The following DYNLT2B variants were observed in gnomAD, a reference collection of about 807,000 sequenced individuals.
DYNLT2B encodes the protein dynein light chain Tctex-type protein 2B.
Under a neutral mutation model 19.5 loss-of-function variants are expected in DYNLT2B, and 14 were observed. That is an observed-to-expected ratio of 0.72 (90% CI 0.47 to 1.12). DYNLT2B has a LOEUF of 1.12. Among genes scored for constraint, DYNLT2B ranks in the 50% most tolerant of loss-of-function variants. The pLI, the probability that DYNLT2B is intolerant of heterozygous loss-of-function variation, is 0.00. For missense variants in DYNLT2B, 133 were observed against 174.7 expected, an observed-to-expected ratio of 0.76 and a Z score of 1.35; for synonymous variants, 70 against 59.7, an observed-to-expected ratio of 1.17 and a Z score of -0.79.
intron 3 of DYNLT2B, among the ~76,000 whole-genome samples, chr3:196,299,197 A>G (rs1030189687): frequency 6.7e-5 from 10 of 150,132 alleles, no homozygotes; most frequent in Non-Finnish European, 1.2e-4. Flanking sequence ...CAATTATCCT[A>G]CCTCAGCCTC....
Position 196,300,129 on chromosome 3 carries a change from T to C in DYNLT2B, c.318-4060A>G, listed in dbSNP as rs74289368. Reference sequence around the variant, plus strand: ...ACAGACGAGGAAATGGATTCAGTCTTAGAGCCTCCAGAAGGAATGCAGCCC... The same window carrying C: ...ACAGACGAGGAAATGGATTCAGTCTCAGAGCCTCCAGAAGGAATGCAGCCC... On this transcript the variant is annotated intron_variant, in intron 3 of 4. Transcript: ENST00000325318. Among the ~76,000 whole-genome samples the C allele has an allele frequency of 1.6e-4, 25 of 152,264 alleles. 1 individual carries two copies. The East Asian group carries it at 3.1e-3, about 19-fold the overall frequency.
At chr3:196,304,025 A>G (rs1726421053) in intron 3 of DYNLT2B, among the ~76,000 whole-genome samples, 1 of 152,212 alleles carries the variant, frequency 6.6e-6, no homozygotes, top group Non-Finnish European at 1.5e-5. Flanking sequence ...CTGTCTCAAT[A>G]GCATAATTAC....
At chr3:196,311,091 G>A (rs956203406) in intron 2 of DYNLT2B, among the ~76,000 whole-genome samples, 1 of 151,928 alleles carries the variant, frequency 6.6e-6, no homozygotes, top group African/African-American at 2.4e-5. Flanking sequence ...CGGCCCTAGG[G>A]AACAAACAGA....
chr3:196,307,872 G>C (rs1419444478), intron 2 of DYNLT2B, among the ~76,000 whole-genome samples: 2 of 151,496 alleles, frequency 1.3e-5, no homozygotes, highest in African/African-American at 4.8e-5. Flanking sequence ...CTGAGGTCAG[G>C]AGTTTGAGAC....
In DYNLT2B at chr3:196,296,918, C is replaced by T. The variant is rs544013146; in HGVS notation, c.318-849G>A. 7.2e-5 allele frequency among the ~76,000 whole-genome samples: 11 copies of T among 152,074 alleles called. No homozygotes were observed. The South Asian group carries it at 2.1e-3, about 29-fold the overall frequency. On this transcript the variant is annotated intron_variant, in intron 3 of 4. Transcript: ENST00000325318. ...TTCAGCCTGGGAGACACAGCAGGACCCTGGCTCTTAAAAAAAAAACAATTC... is the reference window on the plus strand; with the variant it reads ...TTCAGCCTGGGAGACACAGCAGGACTCTGGCTCTTAAAAAAAAAACAATTC...
At chr3:196,316,925 GTGT>G (rs370421844) in intron 1 of DYNLT2B, among the ~76,000 whole-genome samples, 1 of 131,596 alleles carries the variant, frequency 7.6e-6, no homozygotes, top group African/African-American at 3.1e-5. Flanking sequence ...GTGTGTGTGT[GTGT>G]TGTGTGGTGT....
rs765779499 is a variant in DYNLT2B, at chr3:196,316,078, C to T, written c.247+20G>A. On this transcript the variant is annotated intron_variant, in intron 2 of 4. Transcript: ENST00000325318. ...ACTCTGTGAAGAGAATGAGTCATTT[C>T]CAGTTATCACCATGATTACCTTTTA... The T allele has an allele frequency of 4.9e-5, 79 of 1,609,796 alleles. No individual in the cohort carries two copies. The South Asian group carries it at 8.3e-4, about 17-fold the overall frequency.
At chr3:196,298,795 T>A (rs1016626825) in intron 3 of DYNLT2B, among the ~76,000 whole-genome samples, 3 of 152,170 alleles carry the variant, frequency 2.0e-5, no homozygotes, top group African/African-American at 7.2e-5. Flanking sequence ...GATTTGCCAA[T>A]TCAGGGCACA....
intron 1 of DYNLT2B, 45 bp downstream of exon 1, chr3:196,317,994 AC>A: frequency 7.9e-7 from 1 of 1,265,816 alleles, no homozygotes; most frequent in South Asian, 1.6e-5. Context: ...CGCCCCTCAG[AC>A]CAGCGCGCTC....
At chr3:196,291,749 G>C (rs1224587528) in intron 4 of DYNLT2B, among the ~76,000 whole-genome samples, 1 of 152,154 alleles carries the variant, frequency 6.6e-6, no homozygotes, top group Non-Finnish European at 1.5e-5. Context: ...AAAAGTGCTG[G>C]GATCATAGGC....
In DYNLT2B at chr3:196,296,136, C is replaced by T. The variant is rs73212151; in HGVS notation, c.318-67G>A. ...GGACCTAAACGACACATATCTGCCACGAGAAACAGTGTTCCTTAATACATT... is the reference window on the plus strand; with the variant it reads ...GGACCTAAACGACACATATCTGCCATGAGAAACAGTGTTCCTTAATACATT... On this transcript the variant is annotated intron_variant, in intron 3 of 4. Coordinates refer to ENST00000325318, the MANE Select transcript of DYNLT2B (RefSeq NM_152773.5). The T allele has an allele frequency of 0.065, 86,500 of 1,323,530 alleles. 3,369 individuals carry two copies. Among genetic ancestry groups the T allele is most frequent in the Middle Eastern group, 0.12 (679 of 5,488 alleles). 82.0% of individuals were successfully genotyped at this position (1,323,530 alleles called of 1,614,324 possible). A position where few individuals can be genotyped will look rare whatever the true frequency, so the allele number is the denominator to read the frequency against.
intron 4 of DYNLT2B, among the ~76,000 whole-genome samples, chr3:196,295,170 T>G (rs986597883): frequency 1.4e-5 from 2 of 147,838 alleles, no homozygotes; most frequent in Admixed American, 6.8e-5. Flanking sequence ...ATAACTTCAA[T>G]GAAACCTCTT....
At chr3:196,300,485 T>C (rs1039622729) in intron 3 of DYNLT2B, among the ~76,000 whole-genome samples, 8 of 152,094 alleles carry the variant, frequency 5.3e-5, no homozygotes, top group African/African-American at 1.7e-4. Flanking sequence ...ATCCCAGCAG[T>C]TTGGGAGGCC....
At chr3:196,307,138 T>G in intron 2 of DYNLT2B, 126 bp from the exon 3 acceptor site, 1 of 767,536 alleles carries the variant, frequency 1.3e-6, no homozygotes, top group Non-Finnish European at 2.2e-6. Flanking sequence ...GGTGGTAAGC[T>G]TGGGGGTCAG....
intron 1 of DYNLT2B, among the ~76,000 whole-genome samples, chr3:196,316,880 CA>C (rs1361100597): frequency 1.5e-3 from 91 of 62,112 alleles, no homozygotes; most frequent in African/African-American, 3.9e-3. Flanking sequence ...GTGAGCCTGA[CA>C]TTTTTTTCAG....
chr3:196,316,516 A>G (rs1726798037), intron 1 of DYNLT2B, among the ~76,000 whole-genome samples: 1 of 152,068 alleles, frequency 6.6e-6, no homozygotes, highest in African/African-American at 2.4e-5. Flanking sequence ...CCTCTCCCCC[A>G]AAACAAAATA....
chr3:196,294,886 C>T (rs942757885), intron 4 of DYNLT2B, among the ~76,000 whole-genome samples: 2 of 151,990 alleles, frequency 1.3e-5, no homozygotes, highest in Admixed American at 6.6e-5. Context: ...AGGCGTGCAC[C>T]ACCACACCCG....
At chr3:196,301,549 C>A (rs1180787072) in intron 3 of DYNLT2B, among the ~76,000 whole-genome samples, 3 of 151,910 alleles carry the variant, frequency 2.0e-5, no homozygotes, top group Non-Finnish European at 4.4e-5. Flanking sequence ...CCTGTCACTA[C>A]TAAAAATACA....
At chr3:196,317,934 C>T (rs1726927016) in intron 1 of DYNLT2B, 106 bp downstream of exon 1, 2 of 538,824 alleles carry the variant, frequency 3.7e-6, no homozygotes, top group Non-Finnish European at 5.5e-6. Flanking sequence ...GCCCCGCGGA[C>T]CCCGCGCGTC....
Sources: gnomAD v4.1 joint callset for allele counts (sites outside exome capture counted in the v4.1 genomes callset) on GRCh38, gnomAD v4.1.1 for gene constraint, MANE v1.5 for transcripts, NCBI Gene and HGNC (gene_info 2026-07-23, HGNC 2026-07-21) for gene names.